Variants in RAP1GAP2 observed in about 807,000 individuals in gnomAD.
The protein encoded by RAP1GAP2 is rap1 GTPase-activating protein 2.
Under a neutral mutation model 95.0 loss-of-function variants are expected in RAP1GAP2, and 27 were observed. That is an observed-to-expected ratio of 0.28 (90% CI 0.21 to 0.39). The LOEUF (loss-of-function observed/expected upper bound fraction) is 0.39, where lower values mean the gene tolerates loss of function less well. Among genes scored for constraint, RAP1GAP2 ranks in the 10% least tolerant of loss-of-function variants. The pLI is 1.00. For synonymous variants in RAP1GAP2, 373 were observed against 380.9 expected, an observed-to-expected ratio of 0.98 and a Z score of 0.24; for missense variants, 771 against 970.0, an observed-to-expected ratio of 0.79 and a Z score of 2.72.
chr17:2,799,502 G>C (rs890808347), intron 1 of RAP1GAP2, among the ~76,000 whole-genome samples: 2 of 152,178 alleles, frequency 1.3e-5, no homozygotes, highest in African/African-American at 4.8e-5. Context: ...ACTGTGGGAA[G>C]CCTGAGGCAG....
rs150081457 is a variant in RAP1GAP2 at position 2,874,648 on chromosome 17, A to G, written c.81-30636A>G. ...GTCAGAGGCCTCAGCCTGGGGCTGG[A>G]TTCTGGAGGAAATGAGACGGTAGGT... On this transcript the variant is annotated intron_variant, in intron 2 of 24. Transcript: ENST00000254695. Among the ~76,000 whole-genome samples the G allele has an allele frequency of 5.3e-3, 806 of 152,294 alleles. 11 individuals are homozygous for G. The highest frequency in any genetic ancestry group is 0.018 in the African/African-American group (749 of 41,564).
At chr17:2,908,952 C>T (rs969319685) in intron 3 of RAP1GAP2, among the ~76,000 whole-genome samples, 13 of 152,192 alleles carry the variant, frequency 8.5e-5, no homozygotes, top group African/African-American at 1.7e-4. Flanking sequence ...GCCATCCTTC[C>T]GCCTTGACCT....
chr17:2,876,621 T>A (rs2073108163), intron 2 of RAP1GAP2, among the ~76,000 whole-genome samples: 1 of 152,178 alleles, frequency 6.6e-6, no homozygotes, highest in Non-Finnish European at 1.5e-5. Context: ...CGCCTCCAGG[T>A]AGCAGGTTTC....
chr17:2,975,055 C>A (rs968625232), intron 8 of RAP1GAP2, among the ~76,000 whole-genome samples: 9 of 152,078 alleles, frequency 5.9e-5, no homozygotes, highest in Non-Finnish European at 1.2e-4. Flanking sequence ...ATGGCGAAAC[C>A]CCATTTCTAC....
At chr17:2,882,483 G>T (rs188003320) in intron 2 of RAP1GAP2, among the ~76,000 whole-genome samples, 139 of 152,058 alleles carry the variant, frequency 9.1e-4, no homozygotes, top group African/African-American at 3.1e-3. Flanking sequence ...GTAGAGACGG[G>T]GTTTCGCCAC....
rs185607616 is a variant in RAP1GAP2 at position 2,797,165 on chromosome 17, G to T, written c.44+594G>T. 1.1e-3 allele frequency among the ~76,000 whole-genome samples: 168 copies of T among 152,246 alleles called. 1 individual carries two copies. The highest frequency in any genetic ancestry group is 3.8e-3 in the African/African-American group (156 of 41,542). On this transcript the variant is annotated intron_variant, in intron 1 of 24. Transcript: ENST00000254695. The surrounding 1 kb of genome is among the most constrained non-coding windows in gnomAD (Gnocchi z 5.6). ...CCTCTGGGCTGCCTGCTGTCTTGGG[G>T]GTGGGTTGTGAGAGAAGGTCTCCCA...
chr17:2,774,816 CTTTTT>C (rs370177422), upstream of RAP1GAP2, among the ~76,000 whole-genome samples: 145 of 130,408 alleles, frequency 1.1e-3, 1 homozygote, highest in Middle Eastern at 4.9e-3. Flanking sequence ...CCCTGCTATC[CTTTTT>C]TTTTTTTTTT....
intron 3 of RAP1GAP2, among the ~76,000 whole-genome samples, chr17:2,931,280 T>TTTGTG (rs1491294566): frequency 1.4e-5 from 2 of 146,756 alleles, no homozygotes; most frequent in South Asian, 2.2e-4. Flanking sequence ...TGAGTGTTTC[T>TTTGTG]TGTGTGTGTG....
At chr17:2,859,204 G>C (rs1433690850) in intron 2 of RAP1GAP2, among the ~76,000 whole-genome samples, 2 of 148,432 alleles carry the variant, frequency 1.3e-5, no homozygotes, top group East Asian at 2.0e-4. Context: ...TCTGCCTCCT[G>C]GTTTCAAGCC....
chr17:2,818,860 A>T (rs142332456), intron 2 of RAP1GAP2, among the ~76,000 whole-genome samples: 2 of 152,054 alleles, frequency 1.3e-5, no homozygotes, highest in Admixed American at 6.6e-5. Flanking sequence ...TTGAAACTGG[A>T]CTAATAGCAA....
Position 2,998,309 on chromosome 17 carries a change from C to T in RAP1GAP2, c.1133C>T (p.Ser378Phe). ...CCGTTTGTCCCAGACATGATAGCCT[C>T]CAATTTCTTACATGCCTACATCGTC... ...NTPFVPDMIA[S>F]NFLHAYIVVQ... Residue 378 changes from serine (S) to phenylalanine (F), a missense_variant, in exon 14 of 25, where the codon TCC becomes TTC. By Grantham distance (155) the Ser-to-Phe change is radical. Transcript: ENST00000254695. 6.2e-7 allele frequency: 1 copy of T among 1,614,064 alleles called. No individual in the cohort carries two copies. Among genetic ancestry groups the T allele is most frequent in the Non-Finnish European group, 8.5e-7 (1 of 1,179,900 alleles).
intron 1 of RAP1GAP2, among the ~76,000 whole-genome samples, chr17:2,789,338 G>A (rs2068865399): frequency 2.0e-5 from 3 of 152,136 alleles, no homozygotes; most frequent in Admixed American, 6.5e-5. Flanking sequence ...GTGAGCCACC[G>A]TGGCCGGCAT....
chr17:2,910,474 G>T (rs1205248472), intron 3 of RAP1GAP2, among the ~76,000 whole-genome samples: 1 of 152,188 alleles, frequency 6.6e-6, no homozygotes, highest in Non-Finnish European at 1.5e-5. Context: ...GGCCCTGAGG[G>T]TTCATGAATC....
intron 3 of RAP1GAP2, among the ~76,000 whole-genome samples, chr17:2,941,261 G>A (rs969707968): frequency 6.6e-6 from 1 of 152,052 alleles, no homozygotes; most frequent in Non-Finnish European, 1.5e-5. Context: ...AATTAGCTGG[G>A]CATGGTGGCA....
In RAP1GAP2 at chr17:2,936,028, C is replaced by T. The variant is rs117341003; in HGVS notation, c.166-21731C>T. Among the ~76,000 whole-genome samples the T allele has an allele frequency of 2.8e-3, 426 of 152,002 alleles. 14 individuals are homozygous for T. The East Asian group carries it at 0.057, about 20-fold the overall frequency. ...TTAGAGGCTCAGGAGGCTAATTTGA[C>T]GGTGGGGAGATGTGCGCAGACCGCC... is the stretch of plus-strand genomic sequence containing the variant. On this transcript the variant is annotated intron_variant, in intron 3 of 24. Coordinates refer to ENST00000254695, the MANE Select transcript of RAP1GAP2 (RefSeq NM_015085.5).
chr17:2,960,074 G>A lies in RAP1GAP2; in HGVS notation c.201+2280G>A, dbSNP rs1305790562. ...CGGGAGGTGGAGGCTGCAGTGAGCC[G>A]AGATTGCGCCACTGCATTCAGCCTG... On this transcript the variant is annotated intron_variant, in intron 4 of 24. Transcript: ENST00000254695. Among the ~76,000 whole-genome samples, 12 of 141,774 alleles carry A rather than the reference G, an allele frequency of 8.5e-5. No individual in the cohort carries two copies. In the South Asian group the frequency reaches 9.2e-4, roughly 11 times the overall value. 93.0% of individuals were successfully genotyped at this position (141,774 alleles called of 152,430 possible).
At chr17:2,763,675 G>A (rs541214935) in intron 1 of RAP1GAP2, among the ~76,000 whole-genome samples, 1 of 151,722 alleles carries the variant, frequency 6.6e-6, no homozygotes, top group East Asian at 1.9e-4. Context: ...CAGCCTGGGT[G>A]ACACAGAGAG....
At chr17:2,954,146 C>T (rs2044020661) in intron 3 of RAP1GAP2, among the ~76,000 whole-genome samples, 3 of 152,142 alleles carry the variant, frequency 2.0e-5, no homozygotes, top group South Asian at 4.1e-4. Flanking sequence ...ACTTTGTCAT[C>T]CAGGCTGGAG....
At chr17:2,815,243 A>G (rs1241146533) in intron 2 of RAP1GAP2, among the ~76,000 whole-genome samples, 2 of 152,064 alleles carry the variant, frequency 1.3e-5, no homozygotes, top group African/African-American at 4.8e-5. Flanking sequence ...TTTCCCCCAC[A>G]GTGCGGCTCC....
Sources: allele counts gnomAD v4.1 joint callset (sites outside exome capture counted in the v4.1 genomes callset), GRCh38; gene constraint gnomAD v4.1.1; non-coding constraint Gnocchi (gnomAD v3.1); transcripts MANE v1.5; gene names NCBI Gene and HGNC (gene_info 2026-07-23, HGNC 2026-07-21).